The following FER variants were observed in gnomAD, a reference collection of about 807,000 sequenced individuals.
FER encodes FER tyrosine kinase.
In FER, 63 loss-of-function variants were observed where a neutral mutation model predicts 111.0. That is an observed-to-expected ratio of 0.57 (90% CI 0.46 to 0.70). The LOEUF (loss-of-function observed/expected upper bound fraction) is 0.70, where lower values mean the gene tolerates loss of function less well. FER is among the 30% of genes least tolerant of loss of function. FER has a pLI of 0.00. For missense variants in FER, 914 were observed against 954.0 expected, an observed-to-expected ratio of 0.96 and a Z score of 0.55; for synonymous variants, 327 against 313.9, an observed-to-expected ratio of 1.04 and a Z score of -0.44.
chr5:109,113,398 A>G (rs1019513311), intron 17 of FER, among the ~76,000 whole-genome samples: 1 of 152,162 alleles, frequency 6.6e-6, no homozygotes, highest in African/African-American at 2.4e-5. Context: ...AAACAGTAAG[A>G]AGCAAAGGAA....
intron 13 of FER, among the ~76,000 whole-genome samples, chr5:108,999,034 A>C (rs1165813583): frequency 6.7e-6 from 1 of 149,092 alleles, no homozygotes; most frequent in Non-Finnish European, 1.5e-5. Flanking sequence ...TATATGAACT[A>C]ACTTTTAATT....
intron 4 of FER, among the ~76,000 whole-genome samples, chr5:108,833,526 C>A (rs1314089313): frequency 6.7e-6 from 1 of 149,496 alleles, no homozygotes; most frequent in East Asian, 1.9e-4. Flanking sequence ...TTAAAGGTAT[C>A]ATTTTATCCA....
intron 16 of FER, among the ~76,000 whole-genome samples, chr5:109,068,209 A>C (rs948534207): frequency 1.4e-4 from 21 of 149,004 alleles, no homozygotes; most frequent in Admixed American, 2.7e-4. Flanking sequence ...TTTGAGACGG[A>C]GTCTTACTCT....
At chr5:109,148,808 C>T (rs1754511278) in intron 17 of FER, among the ~76,000 whole-genome samples, 1 of 151,972 alleles carries the variant, frequency 6.6e-6, no homozygotes, top group South Asian at 2.1e-4. Flanking sequence ...AAGTGGCTAG[C>T]GATAGGCTTT....
At chr5:109,156,335 C>T (rs1373213729) in intron 17 of FER, among the ~76,000 whole-genome samples, 1 of 152,004 alleles carries the variant, frequency 6.6e-6, no homozygotes, top group Non-Finnish European at 1.5e-5. Flanking sequence ...TACAGTGAAA[C>T]ACCAAACACT....
In FER at chr5:109,147,792, TATATATATAGAGAGAGAG is replaced by T. The variant is rs879322255; in HGVS notation, c.2049-32953_2049-32936del. Reference sequence around the variant, plus strand: ...ACACACACACATACATATATATATATATATATATAGAGAGAGAGAGAGAGAGAGAGAGAGACAGAGACA... The same window carrying T: ...ACACACACACATACATATATATATATAGAGAGAGAGAGAGAGACAGAGACA... On this transcript the variant is annotated intron_variant, in intron 17 of 19. Coordinates refer to ENST00000281092, the MANE Select transcript of FER (RefSeq NM_005246.4). Among the ~76,000 whole-genome samples the T allele has an allele frequency of 4.3e-3, 584 of 136,088 alleles. 2 individuals carry two copies. The highest frequency in any genetic ancestry group is 0.013 in the South Asian group (55 of 4,130). 89.3% of individuals were successfully genotyped at this position (136,088 alleles called of 152,430 possible). A position where few individuals can be genotyped will look rare whatever the true frequency, so the allele number is the denominator to read the frequency against.
chr5:108,937,883 T>A (rs146342468), intron 10 of FER, among the ~76,000 whole-genome samples: 121 of 151,790 alleles, frequency 8.0e-4, no homozygotes, highest in African/African-American at 2.8e-3. Flanking sequence ...TATATAACTC[T>A]TTTAGGAATT....
At chr5:108,974,314 A>G (rs1349315022) in intron 13 of FER, among the ~76,000 whole-genome samples, 7 of 152,156 alleles carry the variant, frequency 4.6e-5, no homozygotes, top group Non-Finnish European at 8.8e-5. Flanking sequence ...ACAGTTGAGG[A>G]AAGGACAAAA....
In FER at chr5:109,060,649, A is replaced by G. The variant is rs568484501; in HGVS notation, c.1924+13451A>G. On this transcript the variant is annotated intron_variant, in intron 16 of 19. Transcript: ENST00000281092. The stretch of plus-strand genomic sequence containing the variant: ...CAGTGAGCTGAGATTGCATCACTGC[A>G]CTCTGGCCTGGTGACAGAGTGAGAC... 2.0e-5 allele frequency among the ~76,000 whole-genome samples: 3 copies of G among 152,108 alleles called. No homozygotes were observed. In the South Asian group the frequency reaches 6.2e-4, roughly 32 times the overall value.
At chr5:108,948,411 A>C (rs866619585) in intron 11 of FER, among the ~76,000 whole-genome samples, 3 of 152,120 alleles carry the variant, frequency 2.0e-5, no homozygotes, top group African/African-American at 7.2e-5. Context: ...TATCAGCTAC[A>C]AGCATGTGCT....
chr5:108,768,110 G>A lies in FER; in HGVS notation c.-188G>A, dbSNP rs369010776. The A allele has an allele frequency of 1.3e-5, 2 of 152,226 alleles. No homozygotes were observed. The highest frequency in any genetic ancestry group is 4.8e-5 in the African/African-American group (2 of 41,536). The allele number at this position is 152,226 out of a possible 1,614,324, so 9.4% of individuals were successfully genotyped here. On this transcript the variant is annotated 5_prime_UTR_variant, in exon 2 of 20. An upstream open reading frame in the 5' UTR loses its in-frame stop. Coordinates refer to ENST00000281092, the MANE Select transcript of FER (RefSeq NM_005246.4). ...TCTTGCAGCTCATGTTTTTTGGCTA[G>A]ACCTATGACCATTTTCGCTAGACTT...
Position 108,841,876 on chromosome 5 carries a change from C to T in FER, c.481+6069C>T, listed in dbSNP as rs1355837804. 5 of 399,462 alleles carry T rather than the reference C, an allele frequency of 1.3e-5. No homozygotes were observed. In the Admixed American group the frequency reaches 1.6e-4, roughly 13 times the overall value. 24.7% of individuals were successfully genotyped at this position (399,462 alleles called of 1,614,324 possible). ...GTGGGAATAAATTATGTTGTAAGTACCTGGGATTTGTAAGGATTAGTATTT... is the reference window on the plus strand; with the variant it reads ...GTGGGAATAAATTATGTTGTAAGTATCTGGGATTTGTAAGGATTAGTATTT... On this transcript the variant is annotated intron_variant, in intron 5 of 19. Transcript: ENST00000281092.
At chr5:109,053,360 G>A (rs191639269) in intron 16 of FER, among the ~76,000 whole-genome samples, 2 of 141,410 alleles carry the variant, frequency 1.4e-5, no homozygotes, top group African/African-American at 2.7e-5. Context: ...TCCAGCCTCA[G>A]CGAAAGAGTG....
rs1328218230 is a variant in FER at position 109,099,289 on chromosome 5, G to A, written c.1925-1107G>A. Among the ~76,000 whole-genome samples the A allele has an allele frequency of 2.6e-5, 4 of 151,634 alleles. No individual in the cohort carries two copies. In the South Asian group the frequency reaches 6.2e-4, roughly 24 times the overall value. On this transcript the variant is annotated intron_variant, in intron 16 of 19. Coordinates refer to ENST00000281092, the MANE Select transcript of FER (RefSeq NM_005246.4). Reference sequence around the variant, plus strand: ...TGCATTAGTCAGTATGGTAGTCACTGACCATATGAGGCTCTTGAGCTCTTA... The same window carrying A: ...TGCATTAGTCAGTATGGTAGTCACTAACCATATGAGGCTCTTGAGCTCTTA...
chr5:109,040,648 T>C (rs1365843331), intron 14 of FER, among the ~76,000 whole-genome samples: 1 of 152,130 alleles, frequency 6.6e-6, no homozygotes, highest in Non-Finnish European at 1.5e-5. Flanking sequence ...TGTAATTCTT[T>C]GAAGTTTTGC....
chr5:108,978,542 A>G (rs986363847), intron 13 of FER, among the ~76,000 whole-genome samples: 31 of 152,238 alleles, frequency 2.0e-4, no homozygotes, highest in Non-Finnish European at 3.4e-4. Context: ...ATTCACAAGC[A>G]TGATTACATT....
intron 9 of FER, among the ~76,000 whole-genome samples, chr5:108,887,506 A>G (rs897144922): frequency 6.6e-6 from 1 of 151,698 alleles, no homozygotes; most frequent in African/African-American, 2.4e-5. Flanking sequence ...AAATGTAGCT[A>G]TCGCAGAATT....
At chr5:108,849,454 T>G (rs942173270) in intron 5 of FER, among the ~76,000 whole-genome samples, 42 of 146,660 alleles carry the variant, frequency 2.9e-4, no homozygotes, top group African/African-American at 9.3e-4. Flanking sequence ...TGGTGGTGGT[T>G]TTGTTGTTGT....
At position 108,832,750 on chromosome 5, in the gene FER, C is replaced by G. The variant is rs73207540; in HGVS notation, c.208-20C>G. On this transcript the variant is annotated intron_variant, in intron 3 of 19. Transcript: ENST00000281092. ...AAACCTTTAATGCAAATGTTTGTTT[C>G]TTTTTTTTTTTTTTTTAAGTCTTGG... 1.3e-3 allele frequency: 1,708 copies of G among 1,284,010 alleles called. 17 individuals carry two copies. The African/African-American group carries it at 0.023, about 18-fold the overall frequency. The allele number at this position is 1,284,010 out of a possible 1,614,324, so 79.5% of individuals were successfully genotyped here. A position where few individuals can be genotyped will look rare whatever the true frequency, so the allele number is the denominator to read the frequency against.
Sources: gnomAD v4.1 joint callset for allele counts (sites outside exome capture counted in the v4.1 genomes callset) on GRCh38, gnomAD v4.1.1 for gene constraint, MANE v1.5 for transcripts, NCBI Gene and HGNC (gene_info 2026-07-23, HGNC 2026-07-21) for gene names.